The following CDH12 variants were observed in gnomAD, a reference collection of about 807,000 sequenced individuals.
CDH12 encodes cadherin 12.
CDH12 carries 41 observed loss-of-function variants against 74.1 expected under a neutral mutation model. The observed-to-expected ratio is 0.55, with a 90% CI of 0.43 to 0.72. The LOEUF is 0.72. Among genes scored for constraint, CDH12 ranks in the 30% least tolerant of loss-of-function variants. CDH12 has a pLI of 0.00. For synonymous variants in CDH12, 399 were observed against 355.0 expected (o/e 1.12, Z -1.39); for missense variants, 945 against 977.2 (o/e 0.97, Z 0.44).
intron 1 of CDH12, among the ~76,000 whole-genome samples, chr5:22,850,269 A>G (rs1016267228): frequency 2.6e-5 from 4 of 152,058 alleles, no homozygotes; most frequent in African/African-American, 9.7e-5. Flanking sequence ...TCACACACAC[A>G]CATTTTCCTT....
intron 1 of CDH12, among the ~76,000 whole-genome samples, chr5:22,578,015 G>A (rs1739879306): frequency 6.6e-6 from 1 of 152,094 alleles, no homozygotes; most frequent in Non-Finnish European, 1.5e-5. Flanking sequence ...ATGTATTACT[G>A]CAACCCAACT....
chr5:22,046,430 CTTTTTTTTTTT>C (rs11323330), intron 5 of CDH12, among the ~76,000 whole-genome samples: 8 of 100,370 alleles, frequency 8.0e-5, no homozygotes, highest in Middle Eastern at 6.0e-3. Context: ...CATTTAATTT[CTTTTTTTTTTT>C]TTTTTTTTTT....
At chr5:22,146,322 T>C (rs1387996653) in intron 4 of CDH12, among the ~76,000 whole-genome samples, 2 of 152,108 alleles carry the variant, frequency 1.3e-5, no homozygotes, top group Admixed American at 6.6e-5. Flanking sequence ...GTTAATCTTT[T>C]AACAACGGGG....
At chr5:22,649,285 AC>A (rs1739604297) in intron 1 of CDH12, among the ~76,000 whole-genome samples, 1 of 151,982 alleles carries the variant, frequency 6.6e-6, no homozygotes, top group Non-Finnish European at 1.5e-5. Flanking sequence ...ATTTACCCTT[AC>A]TTTTCCTTTT....
rs181577095 is a variant in CDH12 at position 22,504,517 on chromosome 5, A to G, written c.-428+753T>C. Among the ~76,000 whole-genome samples, 334 of 152,228 alleles carry G rather than the reference A, an allele frequency of 2.2e-3. 5 individuals carry two copies. In the South Asian group the frequency reaches 0.04, roughly 18 times the overall value. ...CAACCTTGTCTTTCTGAGTTGTTATATCAATGGTTAATCTTAACTGATCTC... is the reference window on the plus strand; with the variant it reads ...CAACCTTGTCTTTCTGAGTTGTTATGTCAATGGTTAATCTTAACTGATCTC... On this transcript the variant is annotated intron_variant, in intron 2 of 14. Coordinates refer to ENST00000382254, the MANE Select transcript of CDH12 (RefSeq NM_004061.5).
intron 10 of CDH12, among the ~76,000 whole-genome samples, chr5:21,796,257 A>T (rs1048675816): frequency 6.6e-6 from 1 of 152,084 alleles, no homozygotes; most frequent in Non-Finnish European, 1.5e-5. Context: ...AGCTTAGCCT[A>T]GTCTACCTTA....
At chr5:22,146,847 G>T (rs1001691440) in intron 4 of CDH12, among the ~76,000 whole-genome samples, 3 of 152,010 alleles carry the variant, frequency 2.0e-5, no homozygotes, top group Admixed American at 6.6e-5. Context: ...ACTTTACTTT[G>T]TATCATATGA....
chr5:22,154,669 A>G (rs1197246455), intron 4 of CDH12, among the ~76,000 whole-genome samples: 1 of 151,516 alleles, frequency 6.6e-6, no homozygotes, highest in East Asian at 1.9e-4. Flanking sequence ...TAATAATAAT[A>G]ATATCAAAAA....
intron 1 of CDH12, among the ~76,000 whole-genome samples, chr5:22,684,515 G>C (rs1043658636): frequency 1.3e-5 from 2 of 152,202 alleles, no homozygotes; most frequent in Admixed American, 6.5e-5. Flanking sequence ...TGAAGTCAAA[G>C]TGAGAACTGC....
chr5:22,469,393 C>T (rs1029836304), intron 2 of CDH12, among the ~76,000 whole-genome samples: 7 of 152,130 alleles, frequency 4.6e-5, no homozygotes, highest in African/African-American at 1.7e-4. Context: ...TTCTGGGCCT[C>T]TCTCCTTCTC....
At chr5:22,057,998 AT>A (rs1561065316) in intron 5 of CDH12, among the ~76,000 whole-genome samples, 1 of 129,664 alleles carries the variant, frequency 7.7e-6, no homozygotes, top group African/African-American at 2.9e-5. Flanking sequence ...TTTTCCTTGT[AT>A]TCTATCTATC....
chr5:22,274,818 T>A (rs1736553923), intron 3 of CDH12, among the ~76,000 whole-genome samples: 1 of 152,098 alleles, frequency 6.6e-6, no homozygotes, highest in Non-Finnish European at 1.5e-5. Context: ...TTAGAAGTAA[T>A]ATTTTAAAAG....
At chr5:22,050,101 T>C (rs1179875407) in intron 5 of CDH12, among the ~76,000 whole-genome samples, 1 of 152,124 alleles carries the variant, frequency 6.6e-6, no homozygotes, top group African/African-American at 2.4e-5. Flanking sequence ...ATTCTGAACA[T>C]GTTAGAGTTT....
At chr5:22,338,287 G>T (rs899637829) in intron 3 of CDH12, among the ~76,000 whole-genome samples, 1 of 152,160 alleles carries the variant, frequency 6.6e-6, no homozygotes, top group African/African-American at 2.4e-5. Context: ...GGATAGAACT[G>T]GAGGTGATTA....
rs146278939 is a variant in CDH12 at position 22,618,933 on chromosome 5, G to C, written c.-522-113569C>G. Among the ~76,000 whole-genome samples the C allele has an allele frequency of 1.9e-3, 286 of 152,018 alleles. 1 individual carries two copies. The highest frequency in any genetic ancestry group is 6.6e-3 in the African/African-American group (272 of 41,480). On this transcript the variant is annotated intron_variant, in intron 1 of 14. Transcript: ENST00000382254. ...TCCCTTGCCTGCTGCCATGTCAGAC[G>C]TCCCTTTGCTTTTTCTTCATCTTCC...
intron 3 of CDH12, chr5:22,213,870 T>A (rs1307829805): frequency 6.6e-6 from 1 of 152,260 alleles, no homozygotes. Flanking sequence ...TTTTGTTTTT[T>A]TCCAGTGGGT....
At chr5:22,167,397 T>C (rs2150324810) in intron 4 of CDH12, among the ~76,000 whole-genome samples, 1 of 152,336 alleles carries the variant, frequency 6.6e-6, no homozygotes, top group African/African-American at 2.4e-5. Flanking sequence ...TTGAAAAGTT[T>C]AATGCCATGG....
At chr5:22,562,852 C>CTTAGCGA (rs5866575) in intron 1 of CDH12, among the ~76,000 whole-genome samples, 1 of 148,174 alleles carries the variant, frequency 6.7e-6, no homozygotes, top group Non-Finnish European at 1.5e-5. Flanking sequence ...TAAATGATCT[C>CTTAGCGA]TTATAGTCTA....
chr5:22,537,094 T>C (rs908273857), intron 1 of CDH12, among the ~76,000 whole-genome samples: 3 of 152,236 alleles, frequency 2.0e-5, no homozygotes, highest in African/African-American at 4.8e-5. Flanking sequence ...CATTTTCTTA[T>C]GGTGCCATTA....
Sources: gnomAD v4.1 joint callset for allele counts (sites outside exome capture counted in the v4.1 genomes callset) on GRCh38, gnomAD v4.1.1 for gene constraint, MANE v1.5 for transcripts, NCBI Gene and HGNC (gene_info 2026-07-23, HGNC 2026-07-21) for gene names.